Variants in CNTN5 observed in about 807,000 individuals in gnomAD.
CNTN5 encodes contactin-5.
Under a neutral mutation model 129.1 loss-of-function variants are expected in CNTN5, and 77 were observed. That is an observed-to-expected ratio of 0.60 (90% CI 0.50 to 0.72). The LOEUF (loss-of-function observed/expected upper bound fraction) is 0.72, where lower values mean the gene tolerates loss of function less well. CNTN5 is among the 30% of genes least tolerant of loss of function. The probability of loss-of-function intolerance (pLI) is 0.00; values close to 1 mark genes in which losing one functional copy is unlikely to be tolerated. For missense variants in CNTN5, 1,478 were observed against 1,328.8 expected, an observed-to-expected ratio of 1.11 and a Z score of -1.75; for synonymous variants, 509 against 465.6, an observed-to-expected ratio of 1.09 and a Z score of -1.20.
chr11:99,125,780 A>T (rs149905591), intron 1 of CNTN5, among the ~76,000 whole-genome samples: 1 of 152,208 alleles, frequency 6.6e-6, no homozygotes, highest in Non-Finnish European at 1.5e-5. Flanking sequence ...CATTATTTTC[A>T]CTTTTAATAG....
chr11:99,916,875 C>T (rs72992829), intron 7 of CNTN5, among the ~76,000 whole-genome samples: 2,297 of 152,114 alleles, frequency 0.015, 24 homozygotes, highest in Middle Eastern at 0.031. Flanking sequence ...AGAGAAAGAG[C>T]ACAAGGAAGA....
chr11:100,016,300 C>G (rs932529239), intron 9 of CNTN5, among the ~76,000 whole-genome samples: 1 of 152,056 alleles, frequency 6.6e-6, no homozygotes, highest in Non-Finnish European at 1.5e-5. Flanking sequence ...CCATATCATA[C>G]AAGTAACATA....
intron 4 of CNTN5, 31 bp from the exon 5 acceptor site, chr11:99,844,821 A>C: frequency 6.3e-7 from 1 of 1,581,962 alleles, no homozygotes; most frequent in Non-Finnish European, 8.6e-7. Context: ...AGTTTAAGGA[A>C]ATTTAAAATG....
At chr11:99,719,285 A>T (rs1943088132) in intron 3 of CNTN5, among the ~76,000 whole-genome samples, 1 of 151,776 alleles carries the variant, frequency 6.6e-6, no homozygotes, top group Non-Finnish European at 1.5e-5. Context: ...ACGCCACTGT[A>T]CTCCTGCTTG....
At chr11:99,756,535 T>C (rs927384633) in intron 3 of CNTN5, among the ~76,000 whole-genome samples, 18 of 152,246 alleles carry the variant, frequency 1.2e-4, no homozygotes, top group African/African-American at 4.3e-4. Context: ...ATGTGACTTT[T>C]CCCTGCTAAG....
intron 15 of CNTN5, among the ~76,000 whole-genome samples, chr11:100,205,699 A>C (rs551566734): frequency 4.5e-3 from 252 of 56,334 alleles, no homozygotes; most frequent in Non-Finnish European, 6.8e-3. Context: ...AATACAGTAC[A>C]GTATAACAAC....
At chr11:99,288,409 T>TA (rs1292417784) in intron 1 of CNTN5, among the ~76,000 whole-genome samples, 3 of 151,926 alleles carry the variant, frequency 2.0e-5, no homozygotes, top group Non-Finnish European at 4.4e-5. Flanking sequence ...CTACTGATAT[T>TA]AAAAGAATGT....
chr11:99,410,008 A>T (rs1397978063), intron 2 of CNTN5, among the ~76,000 whole-genome samples: 1 of 152,226 alleles, frequency 6.6e-6, no homozygotes, highest in African/African-American at 2.4e-5. Flanking sequence ...CCAACATGCA[A>T]TAAGTTTCTG....
intron 4 of CNTN5, among the ~76,000 whole-genome samples, chr11:99,826,619 G>T (rs1015698636): frequency 1.3e-5 from 2 of 152,124 alleles, no homozygotes; most frequent in African/African-American, 4.8e-5. Flanking sequence ...GTACATTATA[G>T]ATAAAAGAAA....
rs116188288 is a variant in CNTN5 at position 99,496,264 on chromosome 11, G to T, written c.-70-59881G>T. Reference sequence around the variant, plus strand: ...GATGTGTCAAAGACTAGGAACCCATGAAAAATGATTTATTTTATTTATTTA... The same window carrying T: ...GATGTGTCAAAGACTAGGAACCCATTAAAAATGATTTATTTTATTTATTTA... On this transcript the variant is annotated intron_variant, in intron 2 of 24. Transcript: ENST00000524871. 2.7e-3 allele frequency among the ~76,000 whole-genome samples: 415 copies of T among 152,166 alleles called. 1 individual carries two copies. The highest frequency in any genetic ancestry group is 9.8e-3 in the African/African-American group (405 of 41,530).
chr11:100,016,175 C>T (rs1940811212), intron 9 of CNTN5, among the ~76,000 whole-genome samples: 2 of 152,028 alleles, frequency 1.3e-5, no homozygotes, highest in South Asian at 2.1e-4. Context: ...TGGAATATCC[C>T]TCTCAGTGCA....
chr11:99,023,137 T>C (rs535902173), intron 1 of CNTN5, among the ~76,000 whole-genome samples: 3 of 152,190 alleles, frequency 2.0e-5, no homozygotes, highest in Non-Finnish European at 4.4e-5. Context: ...CAGTTAGTAC[T>C]TCAAGTATTA....
At chr11:99,212,482 C>A (rs936309623) in intron 1 of CNTN5, among the ~76,000 whole-genome samples, 1 of 152,104 alleles carries the variant, frequency 6.6e-6, no homozygotes, top group Non-Finnish European at 1.5e-5. Flanking sequence ...GAGCATCATG[C>A]GGTTCTTCTG....
At chr11:99,228,655 C>T (rs967705214) in intron 1 of CNTN5, among the ~76,000 whole-genome samples, 3 of 151,940 alleles carry the variant, frequency 2.0e-5, no homozygotes, top group Non-Finnish European at 4.4e-5. Context: ...TATGACAATA[C>T]AGTCTTTACT....
chr11:99,171,368 C>T (rs1861141092), intron 1 of CNTN5, among the ~76,000 whole-genome samples: 1 of 152,178 alleles, frequency 6.6e-6, no homozygotes, highest in African/African-American at 2.4e-5. Context: ...TTTTGCTTCG[C>T]AGATTGCTTA....
At chr11:99,944,605 T>C (rs570680828) in intron 7 of CNTN5, among the ~76,000 whole-genome samples, 1 of 152,248 alleles carries the variant, frequency 6.6e-6, no homozygotes, top group African/African-American at 2.4e-5. Flanking sequence ...ATTGTATATT[T>C]AGAAAACCTC....
At chr11:100,010,530 G>C (rs1441616153) in intron 9 of CNTN5, among the ~76,000 whole-genome samples, 1 of 151,992 alleles carries the variant, frequency 6.6e-6, no homozygotes. Context: ...GGAAGCCCCT[G>C]GGAAGCCCAC....
chr11:99,547,595 T>C (rs1489769772), intron 2 of CNTN5, among the ~76,000 whole-genome samples: 2 of 152,210 alleles, frequency 1.3e-5, no homozygotes, highest in African/African-American at 4.8e-5. Flanking sequence ...TTTCCAGCAG[T>C]TACCCTAGAA....
chr11:99,735,949 CT>C (rs1348585092), intron 3 of CNTN5, among the ~76,000 whole-genome samples: 2 of 152,316 alleles, frequency 1.3e-5, no homozygotes, highest in Non-Finnish European at 2.9e-5. Flanking sequence ...CCCCCAGCCC[CT>C]GACAACCACC....
Sources: allele counts gnomAD v4.1 joint callset (sites outside exome capture counted in the v4.1 genomes callset), GRCh38; gene constraint gnomAD v4.1.1; transcripts MANE v1.5; gene names NCBI Gene and HGNC (gene_info 2026-07-23, HGNC 2026-07-21).